Variants in MLXIPL observed in about 807,000 individuals in gnomAD.
MLXIPL encodes MLX interacting protein like.
Under a neutral mutation model 81.5 loss-of-function variants are expected in MLXIPL, and 49 were observed. The observed-to-expected ratio is 0.60, with a 90% CI of 0.48 to 0.76. The LOEUF (loss-of-function observed/expected upper bound fraction) is 0.76, where lower values mean the gene tolerates loss of function less well. Among genes scored for constraint, MLXIPL ranks in the 30% least tolerant of loss-of-function variants. MLXIPL has a pLI of 0.00. For missense variants in MLXIPL, 1,053 were observed against 1,167.0 expected, an observed-to-expected ratio of 0.90 and a Z score of 1.42; for synonymous variants, 466 against 485.5, an observed-to-expected ratio of 0.96 and a Z score of 0.53.
chr7:73,614,858 T>C (rs1795912673), intron 2 of MLXIPL, among the ~76,000 whole-genome samples: 1 of 145,020 alleles, frequency 6.9e-6, no homozygotes, highest in South Asian at 2.2e-4. Context: ...TCGCCCAGGC[T>C]GGAGTGCAGC....
chr7:73,593,257 CCACACA>C lies in MLXIPL; in HGVS notation c.*602_*607del. The C allele has an allele frequency of 6.2e-6, 1 of 161,080 alleles. No homozygotes were observed. The highest frequency in any genetic ancestry group is 5.9e-5 in the Admixed American group (1 of 16,878). The allele number at this position is 161,080 out of a possible 1,614,324, so 10.0% of individuals were successfully genotyped here. A position where few individuals can be genotyped will look rare whatever the true frequency, so the allele number is the denominator to read the frequency against. ...CTTTACAAAACCCACACACACACAT[CCACACA>C]CACACACACACATGATGCCTGCCCT... is the stretch of plus-strand genomic sequence containing the variant. On this transcript the variant is annotated 3_prime_UTR_variant, in exon 17 of 17. Coordinates refer to ENST00000313375, the MANE Select transcript of MLXIPL (RefSeq NM_032951.3).
chr7:73,605,202 G>T (rs782745598), intron 7 of MLXIPL, among the ~76,000 whole-genome samples: 1 of 152,140 alleles, frequency 6.6e-6, no homozygotes, highest in Non-Finnish European at 1.5e-5. Context: ...TACTCTCTTG[G>T]GCCCTGCCCC....
At chr7:73,629,396 T>C (rs1796800652), upstream of MLXIPL, among the ~76,000 whole-genome samples, 1 of 152,120 alleles carries the variant, frequency 6.6e-6, no homozygotes, top group African/African-American at 2.4e-5. Flanking sequence ...TTCACAGTGA[T>C]GACGCACGTG....
chr7:73,634,252 C>G, the MLXIPL span, among the ~76,000 whole-genome samples: 2 of 152,096 alleles, frequency 1.3e-5, no homozygotes, highest in East Asian at 3.9e-4. Flanking sequence ...ACGAGTTTGC[C>G]AGGAGCAGTG....
At chr7:73,640,243 A>G in the MLXIPL span, among the ~76,000 whole-genome samples, 12,359 of 150,892 alleles carry the variant, frequency 0.082, 593 homozygotes, top group Middle Eastern at 0.13. Flanking sequence ...TGTCTCTTAA[A>G]ATAATAGCAA....
chr7:73,595,097 C>T (rs1212487979), intron 15 of MLXIPL, among the ~76,000 whole-genome samples: 2 of 152,142 alleles, frequency 1.3e-5, no homozygotes, highest in African/African-American at 4.8e-5. Context: ...CCACCTGCCT[C>T]GGCCTCCCAA....
rs369751787 is a variant in MLXIPL, at chr7:73,596,970, C to T, written c.1604-38G>A. ...AGAACCGTGAGGCTACTGGGGCTGG[C>T]CCACCCCCGGCATCTATCAAGACCC... On this transcript the variant is annotated intron_variant, in intron 9 of 16. Transcript: ENST00000313375. The surrounding 1 kb of genome is among the most constrained non-coding windows in gnomAD (Gnocchi z 4.7). 25 of 1,589,766 alleles carry T rather than the reference C, an allele frequency of 1.6e-5. No homozygotes were observed. The African/African-American group carries it at 3.1e-4, about 20-fold the overall frequency.
At chr7:73,611,198 C>T (rs1171126208) in intron 2 of MLXIPL, 1 of 152,354 alleles carries the variant, frequency 6.6e-6, no homozygotes, top group Non-Finnish European at 1.5e-5. Context: ...AGCGCCTCCT[C>T]CAGGAAGCCT....
the MLXIPL span, among the ~76,000 whole-genome samples, chr7:73,634,972 C>T: frequency 2.0e-5 from 3 of 149,376 alleles, no homozygotes; most frequent in South Asian, 4.2e-4. Flanking sequence ...TGCACCACCA[C>T]GCCCAGCTAT....
the MLXIPL span, among the ~76,000 whole-genome samples, chr7:73,638,101 C>T: frequency 6.6e-6 from 1 of 152,060 alleles, no homozygotes; most frequent in Non-Finnish European, 1.5e-5. Context: ...CAAAGCTGGC[C>T]CAAAGTTCAA....
At chr7:73,613,084 G>C (rs1222256562) in intron 2 of MLXIPL, among the ~76,000 whole-genome samples, 1 of 152,164 alleles carries the variant, frequency 6.6e-6, no homozygotes, top group South Asian at 2.1e-4. Flanking sequence ...GAGCCTGCAG[G>C]GGGTGGCAGA....
chr7:73,612,467 C>G (rs1025726134), intron 2 of MLXIPL, among the ~76,000 whole-genome samples: 2 of 152,016 alleles, frequency 1.3e-5, no homozygotes, highest in African/African-American at 4.8e-5. Context: ...ATGGAGAAAC[C>G]CTGTCTCTAC....
intron 1 of MLXIPL, among the ~76,000 whole-genome samples, chr7:73,620,714 C>A (rs1268141601): frequency 6.6e-6 from 1 of 151,144 alleles, no homozygotes; most frequent in Non-Finnish European, 1.5e-5. Context: ...TGCACTCCAG[C>A]CTGGGCGACA....
At chr7:73,612,478 C>T (rs1383183379) in intron 2 of MLXIPL, among the ~76,000 whole-genome samples, 3 of 151,320 alleles carry the variant, frequency 2.0e-5, no homozygotes, top group Non-Finnish European at 2.9e-5. Flanking sequence ...CTGTCTCTAC[C>T]GAAAATACAA....
chr7:73,596,154 T>C lies in MLXIPL; in HGVS notation c.2057A>G (p.Lys686Arg). 6.2e-7 allele frequency: 1 copy of C among 1,612,466 alleles called. No homozygotes were observed. Among genetic ancestry groups the C allele is most frequent in the Non-Finnish European group, 8.5e-7 (1 of 1,179,820 alleles). Residue 686 changes from lysine (K) to arginine (R), a missense_variant and splice_region_variant, in exon 13 of 17, where the codon AAG (lysine) becomes AGG (arginine). By Grantham distance (26) the Lys-to-Arg change is conservative. Around this residue, in one of 3 missense-constraint regions of MLXIPL, gnomAD observed 823 missense variants for 933.0 expected, o/e 0.88. Coordinates refer to ENST00000313375, the MANE Select transcript of MLXIPL (RefSeq NM_032951.3). This position sits in a 1 kb window ranked among gnomAD's most constrained non-coding sequence, Gnocchi z 4.7. ...TGCCAGCCTGGGCCCGGGGCTCACC[T>C]TGAGGCTGGGCTGGGCACTGAGTGT... is the stretch of plus-strand genomic sequence containing the variant. ...VSTLSAQPSL[K>R]VSKATTLQKT... is the part of the protein sequence containing the mutation.
chr7:73,629,136 G>A (rs540965935), upstream of MLXIPL, among the ~76,000 whole-genome samples: 2 of 151,460 alleles, frequency 1.3e-5, no homozygotes, highest in East Asian at 3.9e-4. Context: ...TCCACCTCCC[G>A]GATTCAAGCG....
Position 73,623,461 on chromosome 7 carries a change from G to C in MLXIPL, c.293+739C>G, listed in dbSNP as rs1369977150. On this transcript the variant is annotated intron_variant, in intron 1 of 16. Transcript: ENST00000313375. This position sits in a 1 kb window ranked among gnomAD's most constrained non-coding sequence, Gnocchi z 5.7. ...AGCGGGGCGCGGCCTGTGCGCTCTC[G>C]GTGGCACTAAGCGGGGGTCCCAGGC... Among the ~76,000 whole-genome samples, 1 of 152,086 alleles carries C rather than the reference G, an allele frequency of 6.6e-6. No homozygotes were observed. The highest frequency in any genetic ancestry group is 2.1e-4 in the South Asian group (1 of 4,814).
chr7:73,628,064 C>T (rs782212366), upstream of MLXIPL, among the ~76,000 whole-genome samples: 13 of 152,092 alleles, frequency 8.5e-5, no homozygotes, highest in East Asian at 1.4e-3. Flanking sequence ...TCAAGCGACC[C>T]TTCCACCACG....
chr7:73,638,407 C>T, the MLXIPL span, among the ~76,000 whole-genome samples: 2 of 152,194 alleles, frequency 1.3e-5, no homozygotes, highest in African/African-American at 2.4e-5. Context: ...CAGGTTCAAG[C>T]GATTTTCCTG....
Sources: gnomAD v4.1 joint callset for allele counts (sites outside exome capture counted in the v4.1 genomes callset) on GRCh38, gnomAD v4.1.1 for gene constraint, gnomAD v4.1.1 regional missense constraint, Gnocchi (gnomAD v3.1) non-coding constraint, MANE v1.5 for transcripts, NCBI Gene and HGNC (gene_info 2026-07-23, HGNC 2026-07-21) for gene names.